Variants in MEF2A observed in about 807,000 individuals in gnomAD.
MEF2A encodes the protein myocyte enhancer factor 2A.
In MEF2A, 28 loss-of-function variants were observed where a neutral mutation model predicts 55.8. The observed-to-expected ratio is 0.50, with a 90% CI of 0.37 to 0.69. MEF2A has a LOEUF of 0.69. MEF2A is among the 30% of genes least tolerant of loss of function. MEF2A has a pLI of 0.00. For missense variants in MEF2A, 528 were observed against 626.2 expected, an observed-to-expected ratio of 0.84 and a Z score of 1.67; for synonymous variants, 239 against 227.1, an observed-to-expected ratio of 1.05 and a Z score of -0.47.
intron 2 of MEF2A, among the ~76,000 whole-genome samples, chr15:99,599,169 T>C (rs898654288): frequency 2.0e-5 from 3 of 152,092 alleles, no homozygotes; most frequent in Non-Finnish European, 4.4e-5. Context: ...TCCTCAAAAG[T>C]TTTCATGAGT....
intron 9 of MEF2A, among the ~76,000 whole-genome samples, chr15:99,706,012 T>G (rs985865533): frequency 6.6e-6 from 1 of 152,234 alleles, no homozygotes; most frequent in Non-Finnish European, 1.5e-5. Flanking sequence ...TATTTAATAG[T>G]TGAATTTTTT....
chr15:99,663,441 A>C (rs1184942270), intron 4 of MEF2A, among the ~76,000 whole-genome samples: 6 of 152,084 alleles, frequency 3.9e-5, no homozygotes, highest in Non-Finnish European at 8.8e-5. Flanking sequence ...CAACTGTATA[A>C]TTGTCAAATT....
chr15:99,583,029 A>G (rs1379725059), intron 1 of MEF2A, among the ~76,000 whole-genome samples: 3 of 152,080 alleles, frequency 2.0e-5, no homozygotes, highest in African/African-American at 7.2e-5. Context: ...TTTTTCTTTT[A>G]AGATTCAAAC....
intron 8 of MEF2A, among the ~76,000 whole-genome samples, chr15:99,697,013 G>T (rs1206514559): frequency 6.6e-6 from 1 of 151,300 alleles, no homozygotes; most frequent in African/African-American, 2.4e-5. Flanking sequence ...AAATTCATTA[G>T]TATAATCAGT....
In MEF2A at chr15:99,585,482, T is replaced by A. The variant is rs182317938; in HGVS notation, c.-224-12948T>A. ...TCTTTTAAGACCTTATTAGTTTTTT[T>A]AAAAAATTATAGTATTCAGCTATTT... On this transcript the variant is annotated intron_variant, in intron 1 of 11. Coordinates refer to ENST00000557942, the MANE Select transcript of MEF2A (RefSeq NM_001319206.4). Among the ~76,000 whole-genome samples the A allele has an allele frequency of 5.8e-3, 883 of 152,336 alleles. 6 individuals carry two copies. The highest frequency in any genetic ancestry group is 8.9e-3 in the Non-Finnish European group (606 of 68,022).
chr15:99,677,053 G>A (rs926641102), intron 7 of MEF2A, among the ~76,000 whole-genome samples: 1 of 151,840 alleles, frequency 6.6e-6, no homozygotes, highest in African/African-American at 2.4e-5. Context: ...CCCAGGAGGC[G>A]GAGGTTGCAG....
At chr15:99,609,038 CAAAGTTGGA>C (rs777263965) in intron 2 of MEF2A, among the ~76,000 whole-genome samples, 28 of 152,176 alleles carry the variant, frequency 1.8e-4, no homozygotes, top group Non-Finnish European at 3.1e-4. Flanking sequence ...CTAGTCTTTG[CAAAGTTGGA>C]AAAGGCCCCT....
At position 99,647,794 on chromosome 15, in the gene MEF2A, T is replaced by C. The variant is rs28479837; in HGVS notation, c.258+2030T>C. On this transcript the variant is annotated intron_variant, in intron 4 of 11. Transcript: ENST00000557942. ...TAGTTCCTTGTGAAGTTCTAAATTATATAAATACAGTAGATAGAAGACACA... is the reference window on the plus strand; with the variant it reads ...TAGTTCCTTGTGAAGTTCTAAATTACATAAATACAGTAGATAGAAGACACA... Among the ~76,000 whole-genome samples the C allele has an allele frequency of 7.1e-3, 1,077 of 152,314 alleles. 12 individuals carry two copies. Among genetic ancestry groups the C allele is most frequent in the African/African-American group, 0.024 (1,012 of 41,570 alleles).
intron 1 of MEF2A, among the ~76,000 whole-genome samples, chr15:99,593,659 G>GT: frequency 6.6e-6 from 1 of 152,292 alleles, no homozygotes; most frequent in South Asian, 2.1e-4. Flanking sequence ...ATTATGCTCA[G>GT]TACAGAAGCA....
intron 1 of MEF2A, among the ~76,000 whole-genome samples, chr15:99,595,375 T>C (rs776231273): frequency 1.3e-5 from 2 of 152,188 alleles, no homozygotes; most frequent in Non-Finnish European, 2.9e-5. Flanking sequence ...GCTTAATTTT[T>C]TTTTCTCATT....
At chr15:99,603,450 A>G (rs1974005531) in intron 2 of MEF2A, among the ~76,000 whole-genome samples, 1 of 150,464 alleles carries the variant, frequency 6.6e-6, no homozygotes, top group African/African-American at 2.4e-5. Flanking sequence ...TTGCCTCACT[A>G]CAACCTCCAC....
intron 7 of MEF2A, chr15:99,678,682 G>A (rs2052594331): frequency 2.0e-6 from 2 of 984,552 alleles, no homozygotes; most frequent in Non-Finnish European, 1.2e-6. Context: ...GCATCCTTGA[G>A]ACTTTTAAAG....
intron 3 of MEF2A, among the ~76,000 whole-genome samples, chr15:99,636,029 A>T (rs2043770385): frequency 6.6e-6 from 1 of 152,154 alleles, no homozygotes; most frequent in Non-Finnish European, 1.5e-5. Flanking sequence ...GCAGAGTGTA[A>T]GAGTTCTAGC....
chr15:99,636,958 A>G (rs887315407), intron 3 of MEF2A, among the ~76,000 whole-genome samples: 3 of 152,142 alleles, frequency 2.0e-5, no homozygotes, highest in African/African-American at 7.2e-5. Flanking sequence ...TTTCCTCACT[A>G]TATGACAGGG....
At chr15:99,571,673 T>A (rs1203461084) in intron 1 of MEF2A, among the ~76,000 whole-genome samples, 1 of 152,196 alleles carries the variant, frequency 6.6e-6, no homozygotes, top group African/African-American at 2.4e-5. Flanking sequence ...CTAGTTGGAA[T>A]CTCAAGTATA....
chr15:99,652,198 G>A (rs149323193), intron 4 of MEF2A, among the ~76,000 whole-genome samples: 69 of 152,248 alleles, frequency 4.5e-4, no homozygotes, highest in African/African-American at 1.6e-3. Context: ...GGGGGTTGGG[G>A]GTGGGAGGAA....
intron 1 of MEF2A, among the ~76,000 whole-genome samples, chr15:99,578,370 G>T (rs2570820): frequency 0.043 from 6,483 of 152,202 alleles, 450 homozygotes; most frequent in African/African-American, 0.15. Flanking sequence ...GGCATTGAGA[G>T]CTCTGTCCGG....
At position 99,577,930 on chromosome 15, in the gene MEF2A, G is replaced by C. The variant is rs776291435; in HGVS notation, c.-225+11826G>C. On this transcript the variant is annotated intron_variant, in intron 1 of 11. Transcript: ENST00000557942. ...ATACCGAAGTAATGGTATCATATCA[G>C]GAGGTATGTTTATATCAGGGGCTAC... Among the ~76,000 whole-genome samples the C allele has an allele frequency of 7.2e-4, 109 of 152,166 alleles. 2 individuals carry two copies. Among genetic ancestry groups the C allele is most frequent in the Non-Finnish European group, 1.6e-4 (11 of 68,024 alleles).
intron 1 of MEF2A, among the ~76,000 whole-genome samples, chr15:99,574,999 T>C (rs1172415831): frequency 1.3e-5 from 2 of 152,160 alleles, no homozygotes; most frequent in African/African-American, 4.8e-5. Flanking sequence ...TTATATAATA[T>C]CAAGAATCCA....
Sources: gnomAD v4.1 joint callset for allele counts (sites outside exome capture counted in the v4.1 genomes callset) on GRCh38, gnomAD v4.1.1 for gene constraint, MANE v1.5 for transcripts, NCBI Gene and HGNC (gene_info 2026-07-23, HGNC 2026-07-21) for gene names.